Variants in TTLL11 observed in about 807,000 individuals in gnomAD.
TTLL11 encodes the protein tubulin polyglutamylase TTLL11.
Under a neutral mutation model 51.7 loss-of-function variants are expected in TTLL11, and 42 were observed. The observed-to-expected ratio is 0.81, with a 90% CI of 0.64 to 1.05. The LOEUF is 1.05. Among genes scored for constraint, TTLL11 ranks in the 50% least tolerant of loss-of-function variants. The pLI is 0.00. For missense variants in TTLL11, 799 were observed against 940.4 expected (o/e 0.85, Z 1.97); for synonymous variants, 381 against 383.5 (o/e 0.99, Z 0.08).
At chr9:122,041,461 C>T (rs1766166307) in intron 1 of TTLL11, among the ~76,000 whole-genome samples, 1 of 152,178 alleles carries the variant, frequency 6.6e-6, no homozygotes, top group South Asian at 2.1e-4. Flanking sequence ...AAGGTGTCCA[C>T]ATTAGAAAAT....
At position 121,922,702 on chromosome 9, in the gene TTLL11, C is replaced by T. The variant is rs564769810; in HGVS notation, c.1481+51307G>A. On this transcript the variant is annotated intron_variant, in intron 6 of 8. Coordinates refer to ENST00000321582, the MANE Select transcript of TTLL11 (RefSeq NM_001139442.2). ...GTATGTTAGAGCCCCAAGCAGGCCCCGTAACCTAGTCATGTCCAAAAAGCT... is the reference window on the plus strand; with the variant it reads ...GTATGTTAGAGCCCCAAGCAGGCCCTGTAACCTAGTCATGTCCAAAAAGCT... Among the ~76,000 whole-genome samples, 4 of 151,840 alleles carry T rather than the reference C, an allele frequency of 2.6e-5. No individual in the cohort carries two copies. The South Asian group carries it at 6.2e-4, about 24-fold the overall frequency.
chr9:121,910,207 TG>T (rs1363319191), intron 6 of TTLL11, among the ~76,000 whole-genome samples: 1 of 152,228 alleles, frequency 6.6e-6, no homozygotes, highest in Non-Finnish European at 1.5e-5. Context: ...ATAGGTGTCC[TG>T]GGGAAAATTA....
intron 1 of TTLL11, among the ~76,000 whole-genome samples, chr9:122,055,788 G>A (rs1244978861): frequency 2.0e-5 from 3 of 152,184 alleles, no homozygotes; most frequent in Admixed American, 6.5e-5. Flanking sequence ...TTTCACAGAA[G>A]GAGCAACCAA....
intron 8 of TTLL11, among the ~76,000 whole-genome samples, chr9:121,827,460 T>C (rs552326887): frequency 2.6e-5 from 4 of 152,244 alleles, no homozygotes; most frequent in African/African-American, 9.6e-5. Flanking sequence ...CGACCCCAGC[T>C]CTGGGACTGG....
intron 6 of TTLL11, among the ~76,000 whole-genome samples, chr9:121,893,072 A>C (rs1274747852): frequency 6.6e-6 from 1 of 152,236 alleles, no homozygotes; most frequent in Non-Finnish European, 1.5e-5. Context: ...ATTAGTAAAA[A>C]TAGCTACCAT....
At chr9:121,850,500 A>T (rs1012676312) in intron 8 of TTLL11, among the ~76,000 whole-genome samples, 1 of 152,122 alleles carries the variant, frequency 6.6e-6, no homozygotes, top group Admixed American at 6.5e-5. Flanking sequence ...ACGTCCAAAG[A>T]CAGGAGAAGA....
chr9:121,946,624 C>T (rs905245980), intron 6 of TTLL11, among the ~76,000 whole-genome samples: 7 of 152,206 alleles, frequency 4.6e-5, no homozygotes, highest in East Asian at 1.9e-4. Flanking sequence ...GTGCTAAGCC[C>T]GCTGACTTAT....
At chr9:122,012,774 T>C (rs1166821325) in intron 3 of TTLL11, among the ~76,000 whole-genome samples, 1 of 152,182 alleles carries the variant, frequency 6.6e-6, no homozygotes, top group East Asian at 1.9e-4. Flanking sequence ...CTAAGTGATC[T>C]ATCATCATAT....
intron 1 of TTLL11, among the ~76,000 whole-genome samples, chr9:122,054,184 G>A (rs1195020284): frequency 6.6e-6 from 1 of 152,076 alleles, no homozygotes; most frequent in African/African-American, 2.4e-5. Context: ...ATGAATGGAA[G>A]CTGGAAGAGC....
chr9:122,039,362 A>G lies in TTLL11; in HGVS notation c.469T>C (p.Phe157Leu), dbSNP rs773714879. The G allele has an allele frequency of 9.3e-6, 15 of 1,613,684 alleles. No individual in the cohort carries two copies. The highest frequency in any genetic ancestry group is 1.7e-5 in the Admixed American group (1 of 59,998). ...IRQLKWKEFPFGRRLPCDIYW... is the reference protein window; with the variant it reads ...IRQLKWKEFPLGRRLPCDIYW... The stretch of plus-strand genomic sequence containing the variant: ...ATGTCACAAGGCAAGCGCCGGCCAA[A>G]TGGGAACTAGAAGAGAAAAAATGTG... The change falls in exon 2 of 9, where the codon TTT (phenylalanine) becomes CTT (leucine). Residue 157 changes from phenylalanine (F) to leucine (L), a missense_variant. Phe to Leu is a conservative substitution (Grantham distance 22). This residue lies in a region of TTLL11 where 468 missense variants were observed against 612.8 expected (regional missense o/e 0.76). Coordinates refer to ENST00000321582, the MANE Select transcript of TTLL11 (RefSeq NM_001139442.2).
Position 121,819,846 on chromosome 9 carries a change from C to T in TTLL11, c.*2741G>A, listed in dbSNP as rs1056594436. Reference sequence around the variant, plus strand: ...TGGCCGATTACCAAAGGGGTAAACACAGTGGTGCTTCTTATTAGGAATGGA... The same window carrying T: ...TGGCCGATTACCAAAGGGGTAAACATAGTGGTGCTTCTTATTAGGAATGGA... On this transcript the variant is annotated 3_prime_UTR_variant, in exon 9 of 9. Transcript: ENST00000321582. Among the ~76,000 whole-genome samples, 1 of 152,202 alleles carries T rather than the reference C, an allele frequency of 6.6e-6. No individual in the cohort carries two copies. The highest frequency in any genetic ancestry group is 2.4e-5 in the African/African-American group (1 of 41,428).
chr9:121,917,616 G>C (rs920422821), intron 6 of TTLL11, among the ~76,000 whole-genome samples: 7 of 139,656 alleles, frequency 5.0e-5, no homozygotes, highest in African/African-American at 1.1e-4. Flanking sequence ...AGGGAGGGAG[G>C]GAAGGGGAGG....
At chr9:122,078,717 G>A (rs994421898) in intron 1 of TTLL11, among the ~76,000 whole-genome samples, 3 of 152,002 alleles carry the variant, frequency 2.0e-5, no homozygotes, top group Non-Finnish European at 4.4e-5. Context: ...TACAGAAAAA[G>A]AAACTGAGTT....
intron 6 of TTLL11, among the ~76,000 whole-genome samples, chr9:121,898,984 G>C (rs1211564286): frequency 6.6e-6 from 1 of 152,122 alleles, no homozygotes; most frequent in Non-Finnish European, 1.5e-5. Flanking sequence ...GGAAATCTTG[G>C]CATTGCAGAG....
chr9:121,835,122 G>A (rs1837148547), intron 8 of TTLL11, among the ~76,000 whole-genome samples: 1 of 152,148 alleles, frequency 6.6e-6, no homozygotes, highest in Non-Finnish European at 1.5e-5. Flanking sequence ...GGGGCTGGAC[G>A]GAGTGATCTC....
chr9:121,856,596 C>A (rs1229856464), intron 8 of TTLL11, among the ~76,000 whole-genome samples: 1 of 152,002 alleles, frequency 6.6e-6, no homozygotes, highest in Non-Finnish European at 1.5e-5. Context: ...ATCTTTATAT[C>A]CCTGCAGGGC....
At chr9:121,880,401 A>T (rs1366395659) in intron 6 of TTLL11, among the ~76,000 whole-genome samples, 1 of 152,156 alleles carries the variant, frequency 6.6e-6, no homozygotes, top group East Asian at 1.9e-4. Context: ...TTTCAAATTT[A>T]AGATTCTCTC....
chr9:121,904,985 G>A (rs1017504224), intron 6 of TTLL11, among the ~76,000 whole-genome samples: 2 of 152,138 alleles, frequency 1.3e-5, no homozygotes, highest in Non-Finnish European at 2.9e-5. Flanking sequence ...ACAAATCCAA[G>A]TTTGTTTTGT....
At chr9:122,052,472 C>T (rs1845188918) in intron 1 of TTLL11, among the ~76,000 whole-genome samples, 1 of 152,176 alleles carries the variant, frequency 6.6e-6, no homozygotes, top group African/African-American at 2.4e-5. Context: ...TGGGTTATTA[C>T]AAGGATTAAT....
Sources: gnomAD v4.1 joint callset for allele counts (sites outside exome capture counted in the v4.1 genomes callset) on GRCh38, gnomAD v4.1.1 for gene constraint, gnomAD v4.1.1 regional missense constraint, MANE v1.5 for transcripts, NCBI Gene and HGNC (gene_info 2026-07-23, HGNC 2026-07-21) for gene names.